The following RAD51B variants were observed in gnomAD, a reference collection of about 807,000 sequenced individuals.
RAD51B encodes the protein RAD51 paralog B.
A neutral mutation model predicts 42.2 loss-of-function variants in RAD51B; 38 were observed. The observed-to-expected ratio is 0.90, with a 90% confidence interval of 0.70 to 1.18. The LOEUF is 1.18. RAD51B is among the 50% of genes most tolerant of loss of function. The probability of loss-of-function intolerance (pLI) is 0.00; values close to 1 mark genes in which losing one functional copy is unlikely to be tolerated. For synonymous variants in RAD51B, 154 were observed against 145.2 expected, an observed-to-expected ratio of 1.06 and a Z score of -0.43; for missense variants, 373 against 400.7, an observed-to-expected ratio of 0.93 and a Z score of 0.59.
chr14:68,173,601 G>A lies in RAD51B; in HGVS notation c.757-118283G>A, dbSNP rs192038570. Among the ~76,000 whole-genome samples the A allele has an allele frequency of 1.8e-3, 281 of 152,256 alleles. 6 individuals are homozygous for A. The highest frequency in any genetic ancestry group is 2.1e-4 in the Non-Finnish European group (14 of 68,014). On this transcript the variant is annotated intron_variant, in intron 7 of 10. Coordinates refer to ENST00000471583, the MANE Select transcript of RAD51B (RefSeq NM_133510.4). ...AATCACATGCAATATGAGTAATTTT[G>A]TGGAAAGGTCTTGGTCCTGGTTCAT...
chr14:68,253,122 A>G (rs917341970), intron 7 of RAD51B, among the ~76,000 whole-genome samples: 8 of 152,056 alleles, frequency 5.3e-5, no homozygotes, highest in African/African-American at 1.7e-4. Context: ...AAATTTGGTC[A>G]AATTCTCCAT....
At chr14:68,298,534 T>C (rs569554138) in intron 8 of RAD51B, among the ~76,000 whole-genome samples, 6 of 152,330 alleles carry the variant, frequency 3.9e-5, no homozygotes, top group Admixed American at 1.3e-4. Context: ...TTAAAAGTAG[T>C]TTCCCCTCAC....
In RAD51B at chr14:67,832,729, A is replaced by G. The variant is rs372218594; in HGVS notation, c.199-2351A>G. Among the ~76,000 whole-genome samples the G allele has an allele frequency of 3.5e-4, 54 of 152,294 alleles. 2 individuals are homozygous for G. The highest frequency in any genetic ancestry group is 1.4e-3 in the East Asian group (7 of 5,176). On this transcript the variant is annotated intron_variant, in intron 3 of 10. Coordinates refer to ENST00000471583, the MANE Select transcript of RAD51B (RefSeq NM_133510.4). ...TTACTGTTCATGATTCCTGAATCAC[A>G]GCAATATCTAAGAGGAGCTGATGTT...
chr14:68,072,895 T>C (rs1376453407), intron 7 of RAD51B, among the ~76,000 whole-genome samples: 1 of 152,224 alleles, frequency 6.6e-6, no homozygotes, highest in Non-Finnish European at 1.5e-5. Flanking sequence ...GGTCTGAGAA[T>C]GTGGTTGGTA....
At chr14:67,909,703 G>A (rs1016114966) in intron 7 of RAD51B, among the ~76,000 whole-genome samples, 1 of 152,162 alleles carries the variant, frequency 6.6e-6, no homozygotes. Context: ...GATTTTTTGA[G>A]AGAGGGTCTC....
At chr14:68,399,841 C>T (rs952414062) in intron 8 of RAD51B, among the ~76,000 whole-genome samples, 5 of 152,098 alleles carry the variant, frequency 3.3e-5, no homozygotes, top group African/African-American at 4.8e-5. Context: ...TGCCAGGTGT[C>T]CCAATAATGT....
chr14:68,477,705 T>C lies in RAD51B; in HGVS notation c.*41T>C. The C allele has an allele frequency of 1.2e-6, 2 of 1,610,664 alleles. No individual in the cohort carries two copies. Among genetic ancestry groups the C allele is most frequent in the Non-Finnish European group, 1.7e-6 (2 of 1,178,982 alleles). ...TGTCTAGAGTTGATGGGGGTGTGAT[T>C]TGTGAAATAAAACAGGACCGTACTG... On this transcript the variant is annotated 3_prime_UTR_variant, in exon 11 of 11. Transcript: ENST00000471583.
intron 7 of RAD51B, among the ~76,000 whole-genome samples, chr14:68,233,570 T>C (rs1297888520): frequency 6.6e-6 from 1 of 152,252 alleles, no homozygotes; most frequent in African/African-American, 2.4e-5. Flanking sequence ...CAGTTGTAAC[T>C]AAGGCATCAC....
At chr14:68,655,258 A>G (rs1364634463) in intron 11 of RAD51B, among the ~76,000 whole-genome samples, 2 of 151,910 alleles carry the variant, frequency 1.3e-5, no homozygotes, top group African/African-American at 4.8e-5. Flanking sequence ...TAGCTAGCCT[A>G]TCTCTTGGTT....
chr14:68,436,105 T>C (rs2085141880), intron 9 of RAD51B, among the ~76,000 whole-genome samples: 1 of 152,188 alleles, frequency 6.6e-6, no homozygotes, highest in African/African-American at 2.4e-5. Flanking sequence ...AAGGCCAACA[T>C]CAGAATGGTA....
intron 7 of RAD51B, among the ~76,000 whole-genome samples, chr14:68,022,721 T>C (rs181740433): frequency 1.3e-5 from 2 of 152,172 alleles, no homozygotes; most frequent in Non-Finnish European, 2.9e-5. Flanking sequence ...TTGCATGTTG[T>C]GGGGTTTGGT....
At chr14:68,648,020 T>TATATAC (rs1345937039) in intron 10 of RAD51B, among the ~76,000 whole-genome samples, 2 of 91,204 alleles carry the variant, frequency 2.2e-5, no homozygotes, top group African/African-American at 8.9e-5. Context: ...TATATATATA[T>TATATAC]ACGTATATAT....
intron 7 of RAD51B, among the ~76,000 whole-genome samples, chr14:68,006,952 G>A (rs1476548820): frequency 3.9e-5 from 6 of 152,228 alleles, no homozygotes; most frequent in African/African-American, 1.4e-4. Context: ...TCATGGAGTT[G>A]TGCGATCACT....
chr14:68,338,843 TC>T, intron 8 of RAD51B: 1 of 606,652 alleles, frequency 1.6e-6, no homozygotes, highest in South Asian at 1.4e-5. Flanking sequence ...TCTCATCGTA[TC>T]TGTCGTAGTT....
chr14:68,228,054 C>A (rs1258547478), intron 7 of RAD51B, among the ~76,000 whole-genome samples: 1 of 151,998 alleles, frequency 6.6e-6, no homozygotes, highest in Non-Finnish European at 1.5e-5. Flanking sequence ...TGTTTCATCC[C>A]CCTTTTATAC....
intron 11 of RAD51B, among the ~76,000 whole-genome samples, chr14:68,670,939 C>G (rs1893142987): frequency 6.6e-6 from 1 of 152,196 alleles, no homozygotes; most frequent in Non-Finnish European, 1.5e-5. Flanking sequence ...TGTGGGCTCA[C>G]AGACCCTCCA....
chr14:68,288,802 T>C (rs897134135), intron 7 of RAD51B, among the ~76,000 whole-genome samples: 9 of 152,236 alleles, frequency 5.9e-5, no homozygotes, highest in African/African-American at 2.2e-4. Context: ...AACCATATCA[T>C]TGGAGTCCCA....
intron 9 of RAD51B, among the ~76,000 whole-genome samples, chr14:68,413,496 T>C (rs1187030472): frequency 6.6e-6 from 1 of 152,236 alleles, no homozygotes; most frequent in Non-Finnish European, 1.5e-5. Context: ...TAGAAATTAA[T>C]GTAAAATATG....
At chr14:68,359,591 G>A (rs1462779991) in intron 8 of RAD51B, among the ~76,000 whole-genome samples, 2 of 152,200 alleles carry the variant, frequency 1.3e-5, no homozygotes, top group African/African-American at 2.4e-5. Flanking sequence ...CCATTAAGCA[G>A]GGCCCACAGT....
Sources: gnomAD v4.1 joint callset for allele counts (sites outside exome capture counted in the v4.1 genomes callset) on GRCh38, gnomAD v4.1.1 for gene constraint, MANE v1.5 for transcripts, NCBI Gene and HGNC (gene_info 2026-07-23, HGNC 2026-07-21) for gene names.